Variants in CIDEC observed in about 807,000 individuals in gnomAD.
CIDEC encodes cell death inducing DFFA like effector c.
Under a neutral mutation model 21.9 loss-of-function variants are expected in CIDEC, and 11 were observed. The ratio of observed to expected loss-of-function variants is 0.50; its 90% CI spans 0.32 to 0.83. CIDEC has a LOEUF of 0.83. CIDEC is among the 40% of genes least tolerant of loss of function. The pLI, the probability that CIDEC is intolerant of heterozygous loss-of-function variation, is 0.04. For synonymous variants in CIDEC, 127 were observed against 124.9 expected (o/e 1.02, Z -0.11); for missense variants, 302 against 302.3 (o/e 1.00, Z 0.01).
At position 9,877,135 on chromosome 3, in the gene CIDEC, G is replaced by A. The variant is rs1443684622; in HGVS notation, c.138C>T (p.Arg46=). The change falls in exon 4 of 7, where the codon CGC becomes CGT. Residue 46 remains arginine, a synonymous_variant. Transcript: ENST00000336832. ...SPKAPRARPC[R]VSTADRSVRK... The stretch of plus-strand genomic sequence containing the variant: ...TCACGCTTCGATCCGCCGTGCTTAC[G>A]CGGCAGGGCCGGGCCCTGGGGGCCT... 5.2e-6 allele frequency: 8 copies of A among 1,552,338 alleles called. No individual in the cohort carries two copies. Among genetic ancestry groups the A allele is most frequent in the South Asian group, 4.8e-5 (4 of 84,100 alleles).
Position 9,878,477 on chromosome 3 carries a change from C to A in CIDEC, c.10G>T (p.Ala4Ser). MEYAMKSLSLLYPK... is the reference protein window; with the variant it reads MEYSMKSLSLLYPK... Reference sequence around the variant, plus strand: ...TAGAGAAGGCTAAGGGACTTCATGGCGTATTCCATCCTTGTCAGCTGGACT... The same window carrying A: ...TAGAGAAGGCTAAGGGACTTCATGGAGTATTCCATCCTTGTCAGCTGGACT... Residue 4 changes from alanine to serine, a missense_variant, in exon 3 of 7, where the codon GCC becomes TCC. By Grantham distance (99) the Ala-to-Ser change is moderately conservative. Transcript: ENST00000336832. 1.2e-6 allele frequency: 2 copies of A among 1,613,974 alleles called. No individual in the cohort carries two copies. Among genetic ancestry groups the A allele is most frequent in the Non-Finnish European group, 1.7e-6 (2 of 1,179,906 alleles).
chr3:9,867,052 G>T lies in CIDEC; in HGVS notation c.*82C>A, dbSNP rs1307962586. On this transcript the variant is annotated 3_prime_UTR_variant, in exon 7 of 7. Coordinates refer to ENST00000336832, the MANE Select transcript of CIDEC (RefSeq NM_001321142.2). ...TGGGGAGGTTCGCGGCTCTACAGCT[G>T]CCAGGCTTGTGGGCACTACCAGTTA... 3 of 1,491,200 alleles carry T rather than the reference G, an allele frequency of 2.0e-6. No individual in the cohort carries two copies. 92.4% of individuals were successfully genotyped at this position (1,491,200 alleles called of 1,614,324 possible).
Position 9,869,891 on chromosome 3 carries a change from C to G in CIDEC, c.545G>C (p.Arg182Pro), listed in dbSNP as rs111713852. The change falls in exon 6 of 7, where the codon CGC becomes CCC. Residue 182 changes from arginine (R) to proline (P), a missense_variant. Arg to Pro is a moderately radical substitution (Grantham distance 103, BLOSUM62 -2). Coordinates refer to ENST00000336832, the MANE Select transcript of CIDEC (RefSeq NM_001321142.2). Reference protein sequence around the residue: ...SYDLHCCGAKRIMKEAFRWAL... With the variant: ...SYDLHCCGAKPIMKEAFRWAL... ...ATCCCAATTTGCTCACTTCATGATG[C>G]GCTTGGCCCCACAGCAGTGCAGATC... 6.2e-7 allele frequency: 1 copy of G among 1,612,640 alleles called. No homozygotes were observed. Among genetic ancestry groups the G allele is most frequent in the African/African-American group, 1.3e-5 (1 of 74,868 alleles).
rs1482563935 is a variant in CIDEC at position 9,872,190 on chromosome 3, T to C, written c.208-1868A>G. Among the ~76,000 whole-genome samples the C allele has an allele frequency of 3.3e-5, 5 of 152,016 alleles. No individual in the cohort carries two copies. The East Asian group carries it at 9.7e-4, about 30-fold the overall frequency. ...ATTAATGATGCTGAGCCTTTTTTTT[T>C]TGAAACAGGGTCTTGCTCTCTCACC... On this transcript the variant is annotated intron_variant, in intron 4 of 6. Coordinates refer to ENST00000336832, the MANE Select transcript of CIDEC (RefSeq NM_001321142.2).
chr3:9,879,463 C>T (rs2082475926), intron 1 of CIDEC, among the ~76,000 whole-genome samples: 1 of 152,324 alleles, frequency 6.6e-6, no homozygotes, highest in African/African-American at 2.4e-5. Context: ...TGAGCCACTG[C>T]ACCTGGCACA....
chr3:9,867,144 A>G lies in CIDEC; in HGVS notation c.707T>C (p.Ile236Thr). 1.2e-6 allele frequency: 2 copies of G among 1,613,406 alleles called. No homozygotes were observed. Among genetic ancestry groups the G allele is most frequent in the South Asian group, 1.1e-5 (1 of 91,048 alleles). ...ASSLIPTCLK[I>T]LQ ...CAAGGACTTGGGCTTTCACTGCAGT[A>G]TCTTCAGACAGGTCGGGATAAGGGA... is the stretch of plus-strand genomic sequence containing the variant. The change falls in exon 7 of 7, where the codon ATA becomes ACA. Residue 236 changes from isoleucine (I) to threonine (T), a missense_variant. Coordinates refer to ENST00000336832, the MANE Select transcript of CIDEC (RefSeq NM_001321142.2).
At chr3:9,876,527 T>C (rs372077364) in intron 4 of CIDEC, among the ~76,000 whole-genome samples, 431 of 151,772 alleles carry the variant, frequency 2.8e-3, no homozygotes, top group African/African-American at 0.01. Flanking sequence ...GAGGCCAAGG[T>C]GGGTGGATTG....
intron 2 of CIDEC, 98 bp downstream of exon 2, chr3:9,878,844 C>A: frequency 6.5e-7 from 1 of 1,535,208 alleles, no homozygotes; most frequent in Non-Finnish European, 8.7e-7. Context: ...GCTGAAGAAG[C>A]CTTGCCCGAT....
In CIDEC at chr3:9,870,170, T is replaced by G; in HGVS notation, c.360A>C (p.Ser120=). ...GCAACAGGTGGGACCTCACCTGTTCTGATGGGGGCTGCCATTTCTGCCCCT... is the reference window on the plus strand; with the variant it reads ...GCAACAGGTGGGACCTCACCTGTTCGGATGGGGGCTGCCATTTCTGCCCCT... ...LQKGQKWQPP[S]EQGTRHPLSL... Residue 120 remains serine, a synonymous_variant, in exon 5 of 7, where the codon TCA becomes TCC. Coordinates refer to ENST00000336832, the MANE Select transcript of CIDEC (RefSeq NM_001321142.2). 1.9e-6 allele frequency: 3 copies of G among 1,614,130 alleles called. No individual in the cohort carries two copies. Among genetic ancestry groups the G allele is most frequent in the African/African-American group, 1.3e-5 (1 of 75,048 alleles).
At chr3:9,871,378 G>A (rs1323080852) in intron 4 of CIDEC, among the ~76,000 whole-genome samples, 1 of 146,770 alleles carries the variant, frequency 6.8e-6, no homozygotes, top group Non-Finnish European at 1.5e-5. Flanking sequence ...GTGGAGACAG[G>A]GTGCTGCTTT....
At chr3:9,875,581 A>T (rs545773530) in intron 4 of CIDEC, among the ~76,000 whole-genome samples, 30 of 152,208 alleles carry the variant, frequency 2.0e-4, no homozygotes, top group Non-Finnish European at 3.7e-4. Context: ...ACTATAAAGG[A>T]TATTATTGGG....
chr3:9,874,518 A>AAATAATAATAATAAT (rs56760493), intron 4 of CIDEC, among the ~76,000 whole-genome samples: 6 of 144,120 alleles, frequency 4.2e-5, no homozygotes, highest in African/African-American at 1.5e-4. Context: ...CCTTTCTCTA[A>AAATAATAATAATAAT]AATAATAATA....
chr3:9,869,726 G>A (rs557727573), intron 6 of CIDEC, among the ~76,000 whole-genome samples, 156 bp downstream of exon 6: 12 of 152,274 alleles, frequency 7.9e-5, no homozygotes, highest in East Asian at 3.9e-4. Context: ...ACAGCACTTC[G>A]AGAGCCCATC....
chr3:9,876,009 C>T (rs774221630), intron 4 of CIDEC, among the ~76,000 whole-genome samples: 2 of 152,122 alleles, frequency 1.3e-5, no homozygotes, highest in African/African-American at 2.4e-5. Context: ...ATTGGCTCTC[C>T]GGAAGAACAG....
At position 9,866,967 on chromosome 3, in the gene CIDEC, A is replaced by G. The variant is rs561145213; in HGVS notation, c.*167T>C. The G allele has an allele frequency of 1.3e-6, 1 of 797,640 alleles. No individual in the cohort carries two copies. Among genetic ancestry groups the G allele is most frequent in the Non-Finnish European group, 2.2e-6 (1 of 460,682 alleles). 49.4% of individuals were successfully genotyped at this position (797,640 alleles called of 1,614,324 possible). A position where few individuals can be genotyped will look rare whatever the true frequency, so the allele number is the denominator to read the frequency against. ...GGAGCTTGAGGTTCTCCTTTGGCCA[A>G]CCCACCCCAGGTTTCCAGCTCCTCC... On this transcript the variant is annotated 3_prime_UTR_variant, in exon 7 of 7. Coordinates refer to ENST00000336832, the MANE Select transcript of CIDEC (RefSeq NM_001321142.2).
chr3:9,874,727 A>AT (rs2082396436), intron 4 of CIDEC, among the ~76,000 whole-genome samples: 3 of 152,070 alleles, frequency 2.0e-5, no homozygotes, highest in African/African-American at 7.2e-5. Flanking sequence ...TTTTGCAGTG[A>AT]CAATCTTTTT....
chr3:9,867,064 G>T lies in CIDEC; in HGVS notation c.*70C>A. 6.5e-7 allele frequency: 1 copy of T among 1,540,554 alleles called. No individual in the cohort carries two copies. Among genetic ancestry groups the T allele is most frequent in the Non-Finnish European group, 9.0e-7 (1 of 1,114,732 alleles). Reference sequence around the variant, plus strand: ...CGGCTCTACAGCTGCCAGGCTTGTGGGCACTACCAGTTAAGCGTGAGGCCC... The same window carrying T: ...CGGCTCTACAGCTGCCAGGCTTGTGTGCACTACCAGTTAAGCGTGAGGCCC... On this transcript the variant is annotated 3_prime_UTR_variant, in exon 7 of 7. Coordinates refer to ENST00000336832, the MANE Select transcript of CIDEC (RefSeq NM_001321142.2).
intron 4 of CIDEC, among the ~76,000 whole-genome samples, chr3:9,875,693 G>A (rs2082413383): frequency 6.6e-6 from 1 of 152,230 alleles, no homozygotes; most frequent in Non-Finnish European, 1.5e-5. Flanking sequence ...GTAGAAAGGA[G>A]AATATCCTTG....
At chr3:9,879,787 C>A (rs371925617) in intron 1 of CIDEC, among the ~76,000 whole-genome samples, 1 of 152,278 alleles carries the variant, frequency 6.6e-6, no homozygotes, top group African/African-American at 2.4e-5. Flanking sequence ...AATTATTACA[C>A]CTTCATCCTG....
Sources: allele counts gnomAD v4.1 joint callset (sites outside exome capture counted in the v4.1 genomes callset), GRCh38; gene constraint gnomAD v4.1.1; transcripts MANE v1.5; gene names NCBI Gene and HGNC (gene_info 2026-07-23, HGNC 2026-07-21).